TSNARE1: variants seen among roughly 807,000 people sequenced by gnomAD.
The protein encoded by TSNARE1 is t-SNARE domain-containing protein 1.
Under a neutral mutation model 62.0 loss-of-function variants are expected in TSNARE1, and 49 were observed. The ratio of observed to expected loss-of-function variants is 0.79; its 90% CI spans 0.63 to 1.00. The LOEUF (loss-of-function observed/expected upper bound fraction) is 1.00, where lower values mean the gene tolerates loss of function less well. Among genes scored for constraint, TSNARE1 ranks in the 50% least tolerant of loss-of-function variants. The pLI is 0.00. For synonymous variants in TSNARE1, 328 were observed against 294.4 expected, an observed-to-expected ratio of 1.11 and a Z score of -1.17; for missense variants, 755 against 700.1, an observed-to-expected ratio of 1.08 and a Z score of -0.88.
chr8:142,284,619 G>A (rs1822371438), intron 10 of TSNARE1, 134 bp from the exon 11 acceptor site: 2 of 712,168 alleles, frequency 2.8e-6, no homozygotes, highest in Non-Finnish European at 5.0e-6. Flanking sequence ...AACAGCTGGG[G>A]ACCGGCTGGT....
At chr8:142,262,781 C>T (rs1292340166) in intron 12 of TSNARE1, among the ~76,000 whole-genome samples, 1 of 152,214 alleles carries the variant, frequency 6.6e-6, no homozygotes, top group Non-Finnish European at 1.5e-5. Flanking sequence ...GAAGCAGAAG[C>T]CGCTATGCTT....
chr8:142,316,250 T>A (rs993042117), intron 7 of TSNARE1, among the ~76,000 whole-genome samples: 3 of 151,724 alleles, frequency 2.0e-5, no homozygotes, highest in African/African-American at 7.2e-5. Flanking sequence ...GCTGCTGACA[T>A]CACTGCCCGA....
intron 13 of TSNARE1, among the ~76,000 whole-genome samples, chr8:142,224,505 C>A (rs894423001): frequency 4.6e-5 from 7 of 152,234 alleles, no homozygotes; most frequent in Non-Finnish European, 1.0e-4. Context: ...GTCCTGGGAC[C>A]TGCAGATGAG....
intron 1 of TSNARE1, among the ~76,000 whole-genome samples, chr8:142,398,751 AG>A (rs1269167727): frequency 6.6e-6 from 1 of 152,206 alleles, no homozygotes; most frequent in African/African-American, 2.4e-5. Context: ...TGGCAGGGGC[AG>A]GGGCTGGGGA....
intron 4 of TSNARE1, among the ~76,000 whole-genome samples, chr8:142,341,789 C>T (rs993021607): frequency 9.8e-5 from 15 of 152,334 alleles, no homozygotes; most frequent in African/African-American, 3.6e-4. Flanking sequence ...ACTTTGCCAC[C>T]TCCTCCACCA....
intron 1 of TSNARE1, among the ~76,000 whole-genome samples, chr8:142,385,338 C>T (rs1053459488): frequency 1.3e-5 from 2 of 152,162 alleles, no homozygotes; most frequent in Admixed American, 6.5e-5. Context: ...CTGTTCCCAC[C>T]CACCATTCTG....
At chr8:142,274,342 C>A (rs546236849) in intron 12 of TSNARE1, 2 of 985,476 alleles carry the variant, frequency 2.0e-6, no homozygotes, top group Admixed American at 6.1e-5. Context: ...AGTCCCACTT[C>A]AAGAAAATAA....
chr8:142,227,042 AGT>A (rs1816831310), intron 13 of TSNARE1, among the ~76,000 whole-genome samples: 1 of 133,502 alleles, frequency 7.5e-6, no homozygotes, highest in Non-Finnish European at 1.6e-5. Flanking sequence ...CCCACACAGC[AGT>A]GACAGCCAGG....
chr8:142,362,862 G>A (rs1355277879), intron 1 of TSNARE1, among the ~76,000 whole-genome samples: 1 of 152,168 alleles, frequency 6.6e-6, no homozygotes, highest in Non-Finnish European at 1.5e-5. Flanking sequence ...TTCTTTCTCT[G>A]TAACATGGGA....
chr8:142,357,624 G>A (rs1012972300), intron 1 of TSNARE1, among the ~76,000 whole-genome samples: 8 of 152,220 alleles, frequency 5.3e-5, no homozygotes, highest in Non-Finnish European at 1.0e-4. Flanking sequence ...TTCTGGCCCA[G>A]AAGGCACACG....
chr8:142,311,944 A>G (rs142439759), intron 9 of TSNARE1, among the ~76,000 whole-genome samples: 61 of 152,228 alleles, frequency 4.0e-4, no homozygotes, highest in African/African-American at 1.3e-3. Flanking sequence ...GTTCTCTGGT[A>G]AAAGTCTATA....
At chr8:142,367,259 A>C (rs1301465197) in intron 1 of TSNARE1, among the ~76,000 whole-genome samples, 4 of 152,132 alleles carry the variant, frequency 2.6e-5, no homozygotes, top group Admixed American at 6.5e-5. Context: ...ATATGGGAAA[A>C]CAACAGGCAG....
chr8:142,263,987 T>A (rs1312106986), intron 12 of TSNARE1, among the ~76,000 whole-genome samples: 1 of 152,254 alleles, frequency 6.6e-6, no homozygotes, highest in Non-Finnish European at 1.5e-5. Context: ...GTTCATTCTG[T>A]TGTTCCTTTA....
At chr8:142,302,144 T>C (rs1825886334) in intron 9 of TSNARE1, among the ~76,000 whole-genome samples, 1 of 151,988 alleles carries the variant, frequency 6.6e-6, no homozygotes, top group Non-Finnish European at 1.5e-5. Context: ...GAACGTGCAA[T>C]TCAGCAAACC....
chr8:142,390,311 C>A (rs1379985968), intron 1 of TSNARE1, among the ~76,000 whole-genome samples: 44 of 143,064 alleles, frequency 3.1e-4, no homozygotes, highest in South Asian at 4.6e-4. Context: ...CCGTAACAGA[C>A]GCTGTACACT....
intron 4 of TSNARE1, among the ~76,000 whole-genome samples, chr8:142,336,857 G>C (rs1315401076): frequency 6.6e-6 from 1 of 152,160 alleles, no homozygotes; most frequent in African/African-American, 2.4e-5. Context: ...GTAACAGAAA[G>C]TTATCTGTGA....
At chr8:142,287,652 T>C (rs4498681) in intron 10 of TSNARE1, among the ~76,000 whole-genome samples, 1,370 of 22,888 alleles carry the variant, frequency 0.06, no homozygotes, top group Middle Eastern at 0.16. Flanking sequence ...GACAGTGGGC[T>C]GCCCTCCAGG....
At chr8:142,256,382 T>TCACCACCAC (rs1586872778) in intron 12 of TSNARE1, among the ~76,000 whole-genome samples, 2 of 864 alleles carry the variant, frequency 2.3e-3, no homozygotes, top group African/African-American at 6.0e-3. Flanking sequence ...ACCACCATCA[T>TCACCACCAC]CATCACCAAT....
chr8:142,249,439 C>T (rs1262918679), intron 12 of TSNARE1, among the ~76,000 whole-genome samples: 4 of 152,112 alleles, frequency 2.6e-5, no homozygotes, highest in East Asian at 1.9e-4. Flanking sequence ...GGGGGACAGC[C>T]GACCTGGAAA....
Sources: allele counts gnomAD v4.1 joint callset (sites outside exome capture counted in the v4.1 genomes callset), GRCh38; gene constraint gnomAD v4.1.1; transcripts MANE v1.5; gene names NCBI Gene and HGNC (gene_info 2026-07-23, HGNC 2026-07-21).